DEUP1: variants seen among roughly 807,000 people sequenced by gnomAD.
DEUP1 encodes the protein deuterosome assembly protein 1, also known as coiled-coil domain containing 67.
DEUP1 carries 82 observed loss-of-function variants against 87.4 expected under a neutral mutation model. The ratio of observed to expected loss-of-function variants is 0.94; its 90% CI spans 0.78 to 1.13. The LOEUF is 1.13. Ranked by LOEUF, DEUP1 falls within the 50% of genes most tolerant of loss-of-function variation. The probability of loss-of-function intolerance (pLI) is 0.00; values close to 1 mark genes in which losing one functional copy is unlikely to be tolerated. For synonymous variants in DEUP1, 214 were observed against 222.7 expected (o/e 0.96, Z 0.35); for missense variants, 663 against 681.5 (o/e 0.97, Z 0.30).
intron 7 of DEUP1, chr11:93,383,555 C>A: frequency 1.5e-6 from 1 of 656,918 alleles, no homozygotes; most frequent in Non-Finnish European, 2.8e-6. Context: ...TGATGTTCAA[C>A]TTTGTGACTA....
chr11:93,387,936 A>G (rs1946637660), intron 8 of DEUP1, among the ~76,000 whole-genome samples: 1 of 152,084 alleles, frequency 6.6e-6, no homozygotes, highest in Non-Finnish European at 1.5e-5. Flanking sequence ...GCATAGGGAA[A>G]AATATATTTA....
intron 2 of DEUP1, among the ~76,000 whole-genome samples, chr11:93,348,728 G>A (rs746935796): frequency 6.6e-6 from 1 of 152,108 alleles, no homozygotes; most frequent in Admixed American, 6.6e-5. Context: ...CATTGTTAGT[G>A]GGTAAGCTAA....
chr11:93,352,375 G>A, intron 2 of DEUP1: 1 of 702,524 alleles, frequency 1.4e-6, no homozygotes, highest in Non-Finnish European at 2.6e-6. Flanking sequence ...GCTCCCTGGA[G>A]AATGCTTCAG....
intron 4 of DEUP1, among the ~76,000 whole-genome samples, chr11:93,363,109 GA>G (rs1438122547): frequency 2.0e-5 from 3 of 151,780 alleles, no homozygotes; most frequent in Non-Finnish European, 3.0e-5. Flanking sequence ...TAAGCTGAGT[GA>G]AAAAAATACA....
At chr11:93,364,667 A>G (rs1022887449) in intron 5 of DEUP1, among the ~76,000 whole-genome samples, 12 of 152,056 alleles carry the variant, frequency 7.9e-5, no homozygotes, top group African/African-American at 2.9e-4. Flanking sequence ...ATCCCAATGA[A>G]GCCTCATCAC....
chr11:93,409,465 T>C (rs1020353663), intron 12 of DEUP1, among the ~76,000 whole-genome samples: 1 of 152,250 alleles, frequency 6.6e-6, no homozygotes, highest in Non-Finnish European at 1.5e-5. Context: ...AAGTTTATTT[T>C]ATACAATATT....
At chr11:93,387,230 AT>A (rs932128929) in intron 8 of DEUP1, among the ~76,000 whole-genome samples, 13 of 152,134 alleles carry the variant, frequency 8.5e-5, no homozygotes, top group African/African-American at 2.6e-4. Flanking sequence ...AAAGAGTCTA[AT>A]TTTTTTAGTT....
At chr11:93,434,484 T>C (rs1331436949) in intron 13 of DEUP1, among the ~76,000 whole-genome samples, 1 of 152,176 alleles carries the variant, frequency 6.6e-6, no homozygotes, top group African/African-American at 2.4e-5. Flanking sequence ...CCTCACTGCC[T>C]CTGTTATGCA....
At chr11:93,393,070 TTC>T (rs1946820915) in intron 9 of DEUP1, among the ~76,000 whole-genome samples, 1 of 140,796 alleles carries the variant, frequency 7.1e-6, no homozygotes, top group African/African-American at 2.8e-5. Context: ...CTCCTCCTTC[TTC>T]TTCTCTTCCT....
chr11:93,400,982 A>G (rs932685836), intron 11 of DEUP1, among the ~76,000 whole-genome samples: 5 of 152,172 alleles, frequency 3.3e-5, no homozygotes, highest in Non-Finnish European at 7.4e-5. Context: ...AAGGGCATCC[A>G]AATTGGAAAG....
intron 2 of DEUP1, among the ~76,000 whole-genome samples, chr11:93,348,426 T>C (rs1944468328): frequency 6.6e-6 from 1 of 152,188 alleles, no homozygotes; most frequent in Non-Finnish European, 1.5e-5. Flanking sequence ...AGTTGTGATG[T>C]TAAGTTGTTA....
At chr11:93,358,527 A>T (rs1039683541) in intron 4 of DEUP1, among the ~76,000 whole-genome samples, 1 of 152,198 alleles carries the variant, frequency 6.6e-6, no homozygotes, top group Non-Finnish European at 1.5e-5. Flanking sequence ...AAACTGATTT[A>T]GCCTTTCCAA....
At chr11:93,337,097 AGATTCTTCTTATCTGCTGT>A in intron 2 of DEUP1, among the ~76,000 whole-genome samples, 1 of 152,322 alleles carries the variant, frequency 6.6e-6, no homozygotes, top group East Asian at 1.9e-4. Context: ...GTGATCCACC[AGATTCTTCTTATCTGCTGT>A]GAAAGTCATT....
chr11:93,370,018 G>A (rs1945635625), intron 5 of DEUP1, 55 bp from the exon 6 acceptor site: 10 of 846,346 alleles, frequency 1.2e-5, no homozygotes, highest in East Asian at 1.1e-4. Flanking sequence ...CTTATTTGCT[G>A]TACTTTAAAA....
intron 2 of DEUP1, among the ~76,000 whole-genome samples, chr11:93,338,512 T>A (rs539537380): frequency 6.6e-6 from 1 of 151,446 alleles, no homozygotes; most frequent in East Asian, 2.0e-4. Context: ...GCTCAAGCAA[T>A]CCTCCACCTC....
At chr11:93,414,272 G>A (rs988782524) in intron 12 of DEUP1, among the ~76,000 whole-genome samples, 1 of 152,160 alleles carries the variant, frequency 6.6e-6, no homozygotes, top group African/African-American at 2.4e-5. Flanking sequence ...CCAGCACTTT[G>A]GGAGGCCAAC....
At chr11:93,372,442 A>G (rs1223116754) in intron 7 of DEUP1, among the ~76,000 whole-genome samples, 1 of 152,104 alleles carries the variant, frequency 6.6e-6, no homozygotes, top group Non-Finnish European at 1.5e-5. Context: ...TCCTTGAGAT[A>G]TACCACCCCA....
intron 2 of DEUP1, among the ~76,000 whole-genome samples, chr11:93,341,521 A>G (rs976632428): frequency 1.6e-4 from 24 of 152,290 alleles, no homozygotes; most frequent in African/African-American, 3.1e-4. Context: ...AGATACTGTA[A>G]GTCTTTAGAC....
At position 93,335,429 on chromosome 11, in the gene DEUP1, T is replaced by C. The variant is rs982645371; in HGVS notation, c.29+3141T>C. Among the ~76,000 whole-genome samples the C allele has an allele frequency of 7.9e-5, 12 of 152,336 alleles. No individual in the cohort carries two copies. In the South Asian group the frequency reaches 1.7e-3, roughly 21 times the overall value. On this transcript the variant is annotated intron_variant, in intron 2 of 13. Coordinates refer to ENST00000298050, the MANE Select transcript of DEUP1 (RefSeq NM_181645.4). Reference sequence around the variant, plus strand: ...AAACATTTTAATTGTTGTTATTATGTTTAACTTGTGTTTTTCAAGTACAGT... The same window carrying C: ...AAACATTTTAATTGTTGTTATTATGCTTAACTTGTGTTTTTCAAGTACAGT...
Sources: gnomAD v4.1 joint callset for allele counts (sites outside exome capture counted in the v4.1 genomes callset) on GRCh38, gnomAD v4.1.1 for gene constraint, MANE v1.5 for transcripts, NCBI Gene and HGNC (gene_info 2026-07-23, HGNC 2026-07-21) for gene names.